NPAS3: variants seen among roughly 807,000 people sequenced by gnomAD.
NPAS3 encodes neuronal PAS domain-containing protein 3.
Under a neutral mutation model 73.1 loss-of-function variants are expected in NPAS3, and 14 were observed. That is an observed-to-expected ratio of 0.19 (90% confidence interval 0.13 to 0.30). NPAS3 has a LOEUF of 0.30. Among genes scored for constraint, NPAS3 ranks in the 10% least tolerant of loss-of-function variants. NPAS3 has a pLI of 1.00. For synonymous variants in NPAS3, 620 were observed against 541.5 expected, an observed-to-expected ratio of 1.14 and a Z score of -2.01; for missense variants, 1,096 against 1,250.0, an observed-to-expected ratio of 0.88 and a Z score of 1.86.
intron 6 of NPAS3, among the ~76,000 whole-genome samples, chr14:33,703,447 T>G (rs1403080626): frequency 6.6e-6 from 1 of 152,142 alleles, no homozygotes; most frequent in Non-Finnish European, 1.5e-5. Flanking sequence ...TGAGCCATGA[T>G]CATACTGCTG....
chr14:33,329,946 CAT>C (rs1376887288), intron 3 of NPAS3, among the ~76,000 whole-genome samples: 1 of 152,112 alleles, frequency 6.6e-6, no homozygotes, highest in African/African-American at 2.4e-5. Flanking sequence ...TGCTTTGACA[CAT>C]ATTAGGAAAA....
intron 1 of NPAS3, among the ~76,000 whole-genome samples, chr14:32,963,319 C>T (rs552525352): frequency 8.8e-4 from 134 of 152,086 alleles, no homozygotes; most frequent in African/African-American, 3.0e-3. Flanking sequence ...TGGAAAGAAA[C>T]AGCAGATAAG....
At chr14:33,195,109 T>C (rs911692878) in intron 2 of NPAS3, among the ~76,000 whole-genome samples, 2 of 152,098 alleles carry the variant, frequency 1.3e-5, no homozygotes, top group Non-Finnish European at 2.9e-5. Flanking sequence ...GTTGATTGCT[T>C]GATCCAGATG....
intron 4 of NPAS3, among the ~76,000 whole-genome samples, chr14:33,397,983 C>T (rs1383982611): frequency 3.3e-5 from 5 of 152,116 alleles, no homozygotes; most frequent in Non-Finnish European, 7.4e-5. Flanking sequence ...TTACTAAGTT[C>T]AGCCAAACTG....
chr14:32,936,674 CTT>C (rs994951848), upstream of NPAS3, among the ~76,000 whole-genome samples: 8 of 152,248 alleles, frequency 5.3e-5, no homozygotes, highest in African/African-American at 1.9e-4. Flanking sequence ...CTTGAGCTAA[CTT>C]ATACCATATA....
chr14:33,389,205 G>T (rs1301411310), intron 4 of NPAS3, among the ~76,000 whole-genome samples: 1 of 152,156 alleles, frequency 6.6e-6, no homozygotes, highest in African/African-American at 2.4e-5. Flanking sequence ...TAAATCATTT[G>T]AACTATACAA....
chr14:33,391,454 A>G (rs1416984317), intron 4 of NPAS3, among the ~76,000 whole-genome samples: 1 of 152,058 alleles, frequency 6.6e-6, no homozygotes, highest in African/African-American at 2.4e-5. Flanking sequence ...TGGCCTCCCA[A>G]AGTGCTGGGA....
At chr14:33,386,011 A>AT (rs956509052) in intron 4 of NPAS3, among the ~76,000 whole-genome samples, 44 of 152,282 alleles carry the variant, frequency 2.9e-4, no homozygotes, top group African/African-American at 1.0e-3. Flanking sequence ...AGTTGTAGTG[A>AT]TGAGGAATGT....
At chr14:33,428,561 C>G (rs529133678) in intron 4 of NPAS3, among the ~76,000 whole-genome samples, 2 of 151,982 alleles carry the variant, frequency 1.3e-5, no homozygotes, top group Non-Finnish European at 2.9e-5. Flanking sequence ...AAAATCTTAC[C>G]TCCTCCAGCA....
At chr14:33,676,876 A>G (rs1377232142) in intron 6 of NPAS3, among the ~76,000 whole-genome samples, 1 of 152,184 alleles carries the variant, frequency 6.6e-6, no homozygotes, top group African/African-American at 2.4e-5. Context: ...GGCTAAAAAG[A>G]AAACAGAAAT....
chr14:33,524,350 C>G (rs1228578158), intron 4 of NPAS3, among the ~76,000 whole-genome samples: 1 of 152,146 alleles, frequency 6.6e-6, no homozygotes, highest in Non-Finnish European at 1.5e-5. Flanking sequence ...ACCACCCTAT[C>G]CCAGCACCTT....
chr14:33,280,362 A>G (rs2041544976), intron 3 of NPAS3, among the ~76,000 whole-genome samples: 1 of 152,170 alleles, frequency 6.6e-6, no homozygotes, highest in Non-Finnish European at 1.5e-5. Context: ...AGATTTAAGC[A>G]TTAGTGTTGT....
chr14:33,501,067 T>C (rs902142013), intron 4 of NPAS3, among the ~76,000 whole-genome samples: 17 of 152,044 alleles, frequency 1.1e-4, no homozygotes, highest in Admixed American at 6.6e-4. Flanking sequence ...TTTTTTGTGA[T>C]TCTAATAATG....
At chr14:33,700,503 T>G (rs2060497569) in intron 6 of NPAS3, among the ~76,000 whole-genome samples, 2 of 152,242 alleles carry the variant, frequency 1.3e-5, no homozygotes, top group South Asian at 4.1e-4. Flanking sequence ...GAGGATGATT[T>G]TATTAACACA....
chr14:33,475,628 T>G (rs1286063297), intron 4 of NPAS3, among the ~76,000 whole-genome samples: 1 of 152,012 alleles, frequency 6.6e-6, no homozygotes, highest in Non-Finnish European at 1.5e-5. Context: ...GAAATCCTTA[T>G]ACACTCCTGG....
chr14:33,258,945 C>G (rs1464889198), intron 3 of NPAS3, among the ~76,000 whole-genome samples: 1 of 152,156 alleles, frequency 6.6e-6, no homozygotes, highest in Admixed American at 6.5e-5. Context: ...TCCCAAGTAG[C>G]TGGGACTACA....
intron 4 of NPAS3, among the ~76,000 whole-genome samples, chr14:33,473,361 A>T (rs929571121): frequency 2.6e-5 from 4 of 152,200 alleles, no homozygotes; most frequent in African/African-American, 9.7e-5. Context: ...TGCAAGTCCT[A>T]GTTAAAAGAT....
At chr14:33,480,871 G>A (rs1003838407) in intron 4 of NPAS3, among the ~76,000 whole-genome samples, 2 of 151,968 alleles carry the variant, frequency 1.3e-5, no homozygotes, top group Non-Finnish European at 2.9e-5. Context: ...ATTAGAATGG[G>A]CATATTTCCA....
At chr14:33,144,938 C>T (rs1320419319) in intron 2 of NPAS3, among the ~76,000 whole-genome samples, 3 of 151,964 alleles carry the variant, frequency 2.0e-5, no homozygotes, top group Non-Finnish European at 4.4e-5. Context: ...TTTTCTGAGT[C>T]CTCGAATATT....
Sources: allele counts gnomAD v4.1 joint callset (sites outside exome capture counted in the v4.1 genomes callset), GRCh38; gene constraint gnomAD v4.1.1; transcripts MANE v1.5; gene names NCBI Gene and HGNC (gene_info 2026-07-23, HGNC 2026-07-21).